DOCK3: variants seen among roughly 807,000 people sequenced by gnomAD.
DOCK3 encodes the protein dedicator of cytokinesis protein 3.
A neutral mutation model predicts 265.6 loss-of-function variants in DOCK3; 60 were observed. That is an observed-to-expected ratio of 0.23 (90% confidence interval 0.18 to 0.28). The LOEUF (loss-of-function observed/expected upper bound fraction) is 0.28, where lower values mean the gene tolerates loss of function less well. DOCK3 is among the 10% of genes least tolerant of loss of function. DOCK3 has a pLI of 1.00. For missense variants in DOCK3, 1,981 were observed against 2,594.3 expected (o/e 0.76, Z 5.14); for synonymous variants, 881 against 938.0 (o/e 0.94, Z 1.11).
At chr3:50,888,354 T>C (rs74365977) in intron 3 of DOCK3, among the ~76,000 whole-genome samples, 15,033 of 151,912 alleles carry the variant, frequency 0.099, 918 homozygotes, top group Non-Finnish European at 0.13. Flanking sequence ...CTCAAGGAAA[T>C]AAGAGAGGAT....
chr3:51,370,929 G>A (rs1182143996), intron 49 of DOCK3, among the ~76,000 whole-genome samples: 2 of 152,192 alleles, frequency 1.3e-5, no homozygotes, highest in African/African-American at 4.8e-5. Context: ...TGCGACTGGG[G>A]CTGTCAACTT....
At chr3:51,192,005 G>A (rs2087976657) in intron 12 of DOCK3, among the ~76,000 whole-genome samples, 1 of 149,366 alleles carries the variant, frequency 6.7e-6, no homozygotes, top group Non-Finnish European at 1.5e-5. Flanking sequence ...GTTTGCTAGA[G>A]TAAACAGACA....
intron 12 of DOCK3, among the ~76,000 whole-genome samples, chr3:51,168,857 A>G (rs970519736): frequency 2.0e-5 from 3 of 151,682 alleles, no homozygotes; most frequent in African/African-American, 7.3e-5. Context: ...CAAAGGTCCA[A>G]TATCTAGCAT....
intron 3 of DOCK3, among the ~76,000 whole-genome samples, chr3:50,880,419 A>C (rs1040288904): frequency 8.5e-5 from 13 of 152,206 alleles, no homozygotes; most frequent in Admixed American, 8.5e-4. Flanking sequence ...AATCAAATAG[A>C]TGCAATACAA....
At chr3:50,725,603 A>C (rs7652715) in intron 1 of DOCK3, among the ~76,000 whole-genome samples, 130,153 of 151,996 alleles carry the variant, frequency 0.86, 56,009 homozygotes, top group East Asian at 0.95. Flanking sequence ...GAGGCTGATA[A>C]ATTTTGATAC....
intron 2 of DOCK3, among the ~76,000 whole-genome samples, chr3:50,829,089 T>A (rs774873702): frequency 1.3e-5 from 2 of 152,218 alleles, no homozygotes; most frequent in Non-Finnish European, 2.9e-5. Context: ...ATTTATTTAT[T>A]TGCCATTTAG....
intron 5 of DOCK3, among the ~76,000 whole-genome samples, chr3:50,983,691 C>T (rs1428723054): frequency 3.3e-5 from 5 of 152,166 alleles, no homozygotes; most frequent in Non-Finnish European, 2.9e-5. Context: ...TTGTCTTGCT[C>T]ATCCTCCACT....
intron 1 of DOCK3, among the ~76,000 whole-genome samples, chr3:50,709,597 G>A (rs2036627251): frequency 6.6e-6 from 1 of 152,018 alleles, no homozygotes; most frequent in South Asian, 2.1e-4. Context: ...AGGCCGAGGT[G>A]GGCCTATCAC....
chr3:51,263,364 A>G (rs1446276735), intron 23 of DOCK3, among the ~76,000 whole-genome samples: 4 of 152,222 alleles, frequency 2.6e-5, no homozygotes, highest in Non-Finnish European at 5.9e-5. Context: ...ACAGACAAGC[A>G]AATGCTGAGA....
At chr3:51,016,548 T>TCTATACAATATATG (rs1559944058) in intron 5 of DOCK3, among the ~76,000 whole-genome samples, 2 of 15,888 alleles carry the variant, frequency 1.3e-4, no homozygotes, top group African/African-American at 1.1e-3. Context: ...TATATATATT[T>TCTATACAATATATG]ATATATATCA....
rs1189342666 is a variant in DOCK3 at position 51,382,309 on chromosome 3, G to T, written c.*750G>T. On this transcript the variant is annotated 3_prime_UTR_variant, in exon 53 of 53. Coordinates refer to ENST00000266037, the MANE Select transcript of DOCK3 (RefSeq NM_004947.5). ...TCTTGAAACACCTCATGCCCCACAG[G>T]AGCCCCAGTGGTGACTGGATCTGCA... 1 of 152,478 alleles carries T rather than the reference G, an allele frequency of 6.6e-6. No homozygotes were observed. The highest frequency in any genetic ancestry group is 1.5e-5 in the Non-Finnish European group (1 of 68,116). 9.4% of individuals were successfully genotyped at this position (152,478 alleles called of 1,614,324 possible).
chr3:51,213,597 A>G (rs1381704675), intron 13 of DOCK3, among the ~76,000 whole-genome samples: 18 of 152,180 alleles, frequency 1.2e-4, no homozygotes. Context: ...GCAGAATGTG[A>G]TGTCTCCTCT....
chr3:50,900,961 C>A, intron 4 of DOCK3: 1 of 423,092 alleles, frequency 2.4e-6, no homozygotes. Flanking sequence ...GTCAGGGACC[C>A]ACCTGAGGAA....
At chr3:51,297,033 G>T (rs372640053) in intron 27 of DOCK3, among the ~76,000 whole-genome samples, 1 of 139,168 alleles carries the variant, frequency 7.2e-6, no homozygotes, top group Non-Finnish European at 1.5e-5. Flanking sequence ...CATGAGAATC[G>T]CTTGAATCCA....
chr3:51,291,265 C>T (rs576587826), intron 27 of DOCK3, among the ~76,000 whole-genome samples: 139 of 151,518 alleles, frequency 9.2e-4, no homozygotes, highest in African/African-American at 3.2e-3. Flanking sequence ...AAAAACTAAC[C>T]CCAAAGTTAA....
chr3:51,159,025 G>A (rs144296786), intron 10 of DOCK3, among the ~76,000 whole-genome samples: 19 of 152,250 alleles, frequency 1.2e-4, no homozygotes, highest in African/African-American at 4.1e-4. Flanking sequence ...GTCTAAATGA[G>A]AGCTGGAAAA....
chr3:51,048,731 G>A lies in DOCK3; in HGVS notation c.316-15717G>A, dbSNP rs1389200771. Among the ~76,000 whole-genome samples, 9 of 151,998 alleles carry A rather than the reference G, an allele frequency of 5.9e-5. No homozygotes were observed. The South Asian group carries it at 6.2e-4, about 11-fold the overall frequency. ...AGCAATTATTTTCTTAAACTTACAC[G>A]TAAGTACTTAACAGTAAAAACTATG... On this transcript the variant is annotated intron_variant, in intron 5 of 52. Transcript: ENST00000266037.
At chr3:50,726,618 C>G (rs1176731888) in intron 1 of DOCK3, among the ~76,000 whole-genome samples, 1 of 152,042 alleles carries the variant, frequency 6.6e-6, no homozygotes, top group Non-Finnish European at 1.5e-5. Flanking sequence ...TATTTTTTTT[C>G]TGTTTTGACT....
At chr3:51,030,229 T>C (rs1194612914) in intron 5 of DOCK3, among the ~76,000 whole-genome samples, 1 of 152,228 alleles carries the variant, frequency 6.6e-6, no homozygotes, top group Non-Finnish European at 1.5e-5. Context: ...TGATCTTTTT[T>C]CTGAGAAGAA....
Sources: gnomAD v4.1 joint callset for allele counts (sites outside exome capture counted in the v4.1 genomes callset) on GRCh38, gnomAD v4.1.1 for gene constraint, MANE v1.5 for transcripts, NCBI Gene and HGNC (gene_info 2026-07-23, HGNC 2026-07-21) for gene names.